Variants in STRIP2 observed in about 807,000 individuals in gnomAD.
The protein encoded by STRIP2 is striatin-interacting protein 2.
Under a neutral mutation model 107.1 loss-of-function variants are expected in STRIP2, and 84 were observed. That is an observed-to-expected ratio of 0.78 (90% CI 0.66 to 0.94). The LOEUF is 0.94. Among genes scored for constraint, STRIP2 ranks in the 40% least tolerant of loss-of-function variants. STRIP2 has a pLI of 0.00. For missense variants in STRIP2, 888 were observed against 1,034.2 expected, an observed-to-expected ratio of 0.86 and a Z score of 1.94; for synonymous variants, 394 against 400.4, an observed-to-expected ratio of 0.98 and a Z score of 0.19.
intron 15 of STRIP2, 111 bp from the exon 16 acceptor site, chr7:129,464,501 T>A (rs1404217333): frequency 8.1e-7 from 1 of 1,231,940 alleles, no homozygotes; most frequent in African/African-American, 1.5e-5. Flanking sequence ...AGTTCAAGTT[T>A]CCCAAGTTCT....
Position 129,458,438 on chromosome 7 carries a change from C to A in STRIP2, c.1262C>A (p.Ala421Asp), listed in dbSNP as rs1325523559. Reference protein sequence around the residue: ...RVAFPKGLPWAPKVRQKDIEH... With the variant: ...RVAFPKGLPWDPKVRQKDIEH... ...GCTTTTCCCAAGGGCCTGCCCTGGG[C>A]CCCAAAGGTCAGGTAGGTTTGATAG... Residue 421 changes from alanine to aspartate, a missense_variant, in exon 10 of 21, where the codon GCC (alanine) becomes GAC (aspartate). Ala to Asp is a moderately radical substitution (Grantham distance 126). Transcript: ENST00000249344. The surrounding 1 kb of genome is among the most constrained non-coding windows in gnomAD (Gnocchi z 4.6). The A allele has an allele frequency of 1.3e-6, 2 of 1,593,734 alleles. No individual in the cohort carries two copies. Among genetic ancestry groups the A allele is most frequent in the East Asian group, 2.3e-5 (1 of 43,964 alleles).
At position 129,456,595 on chromosome 7, in the gene STRIP2, C is replaced by T. The variant is rs145430919; in HGVS notation, c.991C>T (p.Leu331=). 6.2e-7 allele frequency: 1 copy of T among 1,613,976 alleles called. No individual in the cohort carries two copies. Among genetic ancestry groups the T allele is most frequent in the African/African-American group, 1.3e-5 (1 of 74,892 alleles). Reference sequence around the variant, plus strand: ...CACTCTTGACCTGGGAGAGTCTCAGCTGGCACCCCCACCCTCCAAGCTGCG... The same window carrying T: ...CACTCTTGACCTGGGAGAGTCTCAGTTGGCACCCCCACCCTCCAAGCTGCG... ...SYTLDLGESQ[L]APPPSKLRGR... The change falls in exon 9 of 21, where the codon CTG becomes TTG. Residue 331 remains leucine (L), a synonymous_variant. Coordinates refer to ENST00000249344, the MANE Select transcript of STRIP2 (RefSeq NM_020704.3).
intron 7 of STRIP2, among the ~76,000 whole-genome samples, chr7:129,454,913 T>A (rs1359400262): frequency 6.6e-6 from 1 of 152,260 alleles, no homozygotes; most frequent in African/African-American, 2.4e-5. Context: ...TATGGGATTT[T>A]AAAAATATAT....
At chr7:129,467,111 T>C (rs1798688313) in intron 16 of STRIP2, among the ~76,000 whole-genome samples, 1 of 152,238 alleles carries the variant, frequency 6.6e-6, no homozygotes, top group South Asian at 2.1e-4. Context: ...AGTGGGATTT[T>C]ATTTTCTGGC....
Position 129,458,616 on chromosome 7 carries a change from CCTCT to C in STRIP2, c.1275-95_1275-92del. 7.1e-7 allele frequency: 1 copy of C among 1,417,684 alleles called. No individual in the cohort carries two copies. 87.8% of individuals were successfully genotyped at this position (1,417,684 alleles called of 1,614,324 possible). A position where few individuals can be genotyped will look rare whatever the true frequency, so the allele number is the denominator to read the frequency against. On this transcript the variant is annotated intron_variant, in intron 10 of 20. Coordinates refer to ENST00000249344, the MANE Select transcript of STRIP2 (RefSeq NM_020704.3). This position sits in a 1 kb window ranked among gnomAD's most constrained non-coding sequence, Gnocchi z 4.6. ...TGCTGCCTTTTTCCACTGCTCCAGT[CCTCT>C]GATTGGAGGGATAGGAGCCCGGAAA...
At chr7:129,466,415 C>G (rs1184910144) in intron 16 of STRIP2, among the ~76,000 whole-genome samples, 1 of 152,170 alleles carries the variant, frequency 6.6e-6, no homozygotes, top group Non-Finnish European at 1.5e-5. Context: ...TAACTACATA[C>G]CCAGGGCCAT....
At chr7:129,448,111 T>C (rs1369370540) in intron 3 of STRIP2, among the ~76,000 whole-genome samples, 1 of 152,204 alleles carries the variant, frequency 6.6e-6, no homozygotes, top group African/African-American at 2.4e-5. Flanking sequence ...CTACTAAGTA[T>C]GTCTATGCCA....
At chr7:129,469,444 A>C (rs939105130) in intron 17 of STRIP2, among the ~76,000 whole-genome samples, 1 of 152,228 alleles carries the variant, frequency 6.6e-6, no homozygotes, top group Non-Finnish European at 1.5e-5. Context: ...GAACAAATCT[A>C]TCTTTGATTT....
chr7:129,465,823 C>T (rs1789774891), intron 16 of STRIP2, among the ~76,000 whole-genome samples: 3 of 152,146 alleles, frequency 2.0e-5, no homozygotes, highest in Admixed American at 6.5e-5. Flanking sequence ...AAAAGGAATG[C>T]TTCTCATTTT....
intron 15 of STRIP2, 135 bp downstream of exon 15, chr7:129,464,276 C>T (rs948698829): frequency 3.9e-5 from 28 of 723,340 alleles, no homozygotes; most frequent in Non-Finnish European, 6.3e-5. Flanking sequence ...CACCAGTACC[C>T]CCTTTCCCGT....
rs746436652 is a variant in STRIP2, at chr7:129,453,357, C to T, written c.530+10C>T. 10 of 1,614,016 alleles carry T rather than the reference C, an allele frequency of 6.2e-6. No homozygotes were observed. Among genetic ancestry groups the T allele is most frequent in the South Asian group, 1.1e-5 (1 of 91,066 alleles). ...TCCACATGGAAATTGAGTGAGAAGC[C>T]TTAGGGGAAGGGCTGGCCTACATAA... On this transcript the variant is annotated intron_variant, in intron 5 of 20. Transcript: ENST00000249344.
chr7:129,455,209 C>T, intron 7 of STRIP2, 35 bp from the exon 8 acceptor site: 1 of 1,586,002 alleles, frequency 6.3e-7, no homozygotes, highest in Non-Finnish European at 8.6e-7. Context: ...CTGCCTCATC[C>T]TCACTTTCTC....
rs1798441855 is a variant in STRIP2, at chr7:129,458,782, GTGAC to G, written c.1340+9_1340+12del. The G allele has an allele frequency of 1.9e-6, 3 of 1,614,016 alleles. No homozygotes were observed. The highest frequency in any genetic ancestry group is 1.3e-5 in the African/African-American group (1 of 74,928). ...CATCGGATTCACCCTGGGGCAGTAA[GTGAC>G]TGAATGGCTGGAACTGGCTACAGAG... On this transcript the variant is annotated splice_donor_region_variant and intron_variant, in intron 11 of 20. Coordinates refer to ENST00000249344, the MANE Select transcript of STRIP2 (RefSeq NM_020704.3). The surrounding 1 kb of genome is among the most constrained non-coding windows in gnomAD (Gnocchi z 4.6).
intron 18 of STRIP2, among the ~76,000 whole-genome samples, chr7:129,477,322 A>G (rs1351987814): frequency 6.6e-6 from 1 of 152,186 alleles, no homozygotes; most frequent in Non-Finnish European, 1.5e-5. Context: ...ATCAGTAAAC[A>G]TACATGTATT....
chr7:129,481,323 T>C (rs1221490772), intron 19 of STRIP2, among the ~76,000 whole-genome samples: 1 of 150,230 alleles, frequency 6.7e-6, no homozygotes, highest in Non-Finnish European at 1.5e-5. Flanking sequence ...ATGGTGAAAC[T>C]CCATCTCTAC....
chr7:129,460,160 TC>T (rs1459993471), intron 12 of STRIP2, 140 bp from the exon 13 acceptor site: 1 of 644,448 alleles, frequency 1.6e-6, no homozygotes, highest in East Asian at 2.8e-5. Context: ...TAAGACTCCT[TC>T]CTTGAAAGAG....
Position 129,434,509 on chromosome 7 carries a change from C to T in STRIP2, c.37C>T (p.Pro13Ser). The T allele has an allele frequency of 6.6e-7, 1 of 1,518,274 alleles. No individual in the cohort carries two copies. Among genetic ancestry groups the T allele is most frequent in the African/African-American group, 1.4e-5 (1 of 70,416 alleles). The allele number at this position is 1,518,274 out of a possible 1,614,324, so 94.1% of individuals were successfully genotyped here. ...CGCCGCGCCTGGGACCGGGGGCCCG[C>T]CCGCAAATGGCAATGGCAACGGCGG... ...DPAAPGTGGP[P>S]ANGNGNGGGK... Residue 13 changes from proline (P) to serine (S), a missense_variant, in exon 1 of 21, where the codon CCC becomes TCC. By Grantham distance (74) the Pro-to-Ser change is moderately conservative. Coordinates refer to ENST00000249344, the MANE Select transcript of STRIP2 (RefSeq NM_020704.3).
chr7:129,484,905 T>G (rs1273312015), intron 20 of STRIP2, among the ~76,000 whole-genome samples: 1 of 152,218 alleles, frequency 6.6e-6, no homozygotes, highest in Non-Finnish European at 1.5e-5. Flanking sequence ...GATTTGTATC[T>G]TCAGCCCTGA....
chr7:129,453,014 T>C (rs1016380179), intron 4 of STRIP2, among the ~76,000 whole-genome samples: 4 of 152,168 alleles, frequency 2.6e-5, no homozygotes, highest in Admixed American at 6.5e-5. Context: ...CTTAAGACGA[T>C]AGGCCATTGA....
Sources: allele counts gnomAD v4.1 joint callset (sites outside exome capture counted in the v4.1 genomes callset), GRCh38; gene constraint gnomAD v4.1.1; non-coding constraint Gnocchi (gnomAD v3.1); transcripts MANE v1.5; gene names NCBI Gene and HGNC (gene_info 2026-07-23, HGNC 2026-07-21).